The following SLC20A2 variants were observed in gnomAD, a reference collection of about 807,000 sequenced individuals.
The protein encoded by SLC20A2 is sodium-dependent phosphate transporter 2.
Under a neutral mutation model 61.0 loss-of-function variants are expected in SLC20A2, and 30 were observed. The observed-to-expected ratio is 0.49, with a 90% CI of 0.37 to 0.67. The LOEUF is 0.67. SLC20A2 is among the 30% of genes least tolerant of loss of function. SLC20A2 has a pLI of 0.00. For missense variants in SLC20A2, 626 were observed against 866.4 expected (o/e 0.72, Z 3.48); for synonymous variants, 351 against 353.3 (o/e 0.99, Z 0.07).
At chr8:42,504,214 C>G (rs368127023), upstream of SLC20A2, among the ~76,000 whole-genome samples, 8 of 152,304 alleles carry the variant, frequency 5.3e-5, 1 homozygote, top group South Asian at 1.7e-3. Context: ...GCACTGGGAT[C>G]ACAGGCATGA....
intron 4 of SLC20A2, 63 bp from the exon 5 acceptor site, chr8:42,460,055 A>T: frequency 2.2e-6 from 2 of 898,490 alleles, no homozygotes; most frequent in Non-Finnish European, 3.7e-6. Context: ...GAGCCAACAC[A>T]GACAAAATGA....
At chr8:42,511,941 T>C (rs931443018) in intron 1 of SLC20A2, among the ~76,000 whole-genome samples, 4 of 152,000 alleles carry the variant, frequency 2.6e-5, no homozygotes, top group African/African-American at 7.2e-5. Context: ...AGAACTATAA[T>C]AGCCCAATAA....
rs375186009 is a variant in SLC20A2 at position 42,513,770 on chromosome 8, T to C, written c.-265+28051A>G. ...AAGACAGGTATATAAATAATTATAATACAGGTAAATCCTGTAACGGAAGTA... is the reference window on the plus strand; with the variant it reads ...AAGACAGGTATATAAATAATTATAACACAGGTAAATCCTGTAACGGAAGTA... On this transcript the variant is annotated intron_variant, in intron 1 of 10. Transcript: ENST00000342228. Among the ~76,000 whole-genome samples the C allele has an allele frequency of 5.9e-5, 9 of 152,278 alleles. No homozygotes were observed. The South Asian group carries it at 1.4e-3, about 25-fold the overall frequency.
chr8:42,540,770 T>A (rs1813058338), intron 1 of SLC20A2: 1 of 152,250 alleles, frequency 6.6e-6, no homozygotes, highest in Non-Finnish European at 1.5e-5. Flanking sequence ...TGGCCATTTA[T>A]CTGCAAGGTG....
At chr8:42,430,804 T>C (rs1347249481) in intron 8 of SLC20A2, among the ~76,000 whole-genome samples, 3 of 152,216 alleles carry the variant, frequency 2.0e-5, no homozygotes, top group Non-Finnish European at 2.9e-5. Flanking sequence ...CCCGAATTTT[T>C]CATTATTATC....
chr8:42,474,591 T>A (rs1807908671), intron 1 of SLC20A2, among the ~76,000 whole-genome samples: 1 of 152,184 alleles, frequency 6.6e-6, no homozygotes, highest in African/African-American at 2.4e-5. Context: ...TGGGGGCCAG[T>A]ATGATCTATC....
chr8:42,541,671 A>C (rs1033526128), intron 1 of SLC20A2: 1 of 149,302 alleles, frequency 6.7e-6, no homozygotes, highest in Admixed American at 6.6e-5. Context: ...GGAGCGGAGC[A>C]GCGCTGGCCG....
chr8:42,458,223 CAT>C (rs1329098187), intron 5 of SLC20A2, among the ~76,000 whole-genome samples: 4 of 152,176 alleles, frequency 2.6e-5, no homozygotes, highest in African/African-American at 4.8e-5. Context: ...CTCTAGCAAA[CAT>C]GTACAGAAAT....
intron 1 of SLC20A2, among the ~76,000 whole-genome samples, chr8:42,529,348 A>G (rs1016838054): frequency 6.6e-6 from 1 of 152,206 alleles, no homozygotes; most frequent in African/African-American, 2.4e-5. Flanking sequence ...ATGTAATACA[A>G]CCAATCTGGA....
At chr8:42,476,119 C>A (rs543363551) in intron 1 of SLC20A2, among the ~76,000 whole-genome samples, 102 of 98,220 alleles carry the variant, frequency 1.0e-3, no homozygotes, top group Non-Finnish European at 1.5e-3. Flanking sequence ...TTTTTTGACA[C>A]GAAATCTCGC....
chr8:42,523,817 T>C (rs1166059511), intron 1 of SLC20A2, among the ~76,000 whole-genome samples: 1 of 152,184 alleles, frequency 6.6e-6, no homozygotes, highest in Non-Finnish European at 1.5e-5. Context: ...AAGATCTGAG[T>C]GGAACAGCTC....
At chr8:42,421,083 T>G (rs150703497) in intron 10 of SLC20A2, among the ~76,000 whole-genome samples, 8 of 152,384 alleles carry the variant, frequency 5.2e-5, no homozygotes, top group African/African-American at 1.9e-4. Flanking sequence ...TTACAACATC[T>G]GGTTTTCCCA....
chr8:42,417,724 G>T lies in SLC20A2; in HGVS notation c.*79C>A. The T allele has an allele frequency of 1.3e-6, 2 of 1,493,570 alleles. No individual in the cohort carries two copies. The highest frequency in any genetic ancestry group is 1.9e-6 in the Non-Finnish European group (2 of 1,079,770). The allele number at this position is 1,493,570 out of a possible 1,614,324, so 92.5% of individuals were successfully genotyped here. A position where few individuals can be genotyped will look rare whatever the true frequency, so the allele number is the denominator to read the frequency against. ...AGCCGTGCACGGCCAGGATGTGTAT[G>T]TGCGGCACGAGCACACATGTCTCCC... On this transcript the variant is annotated 3_prime_UTR_variant, in exon 11 of 11. Coordinates refer to ENST00000520262, the MANE Select transcript of SLC20A2 (RefSeq NM_001257180.2).
intron 5 of SLC20A2, among the ~76,000 whole-genome samples, chr8:42,459,257 A>AAAAAAAAT (rs1563482766): frequency 6.6e-6 from 1 of 150,854 alleles, no homozygotes; most frequent in African/African-American, 2.5e-5. Flanking sequence ...AAAAAAAAAA[A>AAAAAAAAT]AACATAAAAA....
At chr8:42,516,340 AT>A (rs1303197614) in intron 1 of SLC20A2, among the ~76,000 whole-genome samples, 7 of 152,160 alleles carry the variant, frequency 4.6e-5, no homozygotes, top group Non-Finnish European at 7.3e-5. Flanking sequence ...TTATCCTAGA[AT>A]TTTTTCCTGT....
intron 1 of SLC20A2, among the ~76,000 whole-genome samples, chr8:42,528,482 A>G (rs1162940463): frequency 1.3e-5 from 2 of 151,998 alleles, no homozygotes; most frequent in Admixed American, 6.6e-5. Context: ...AGAAAAGAAA[A>G]AAGAATATGC....
At chr8:42,488,692 C>G (rs1310524783) in intron 1 of SLC20A2, among the ~76,000 whole-genome samples, 1 of 152,064 alleles carries the variant, frequency 6.6e-6, no homozygotes, top group Non-Finnish European at 1.5e-5. Context: ...TCTCATTACC[C>G]TCATCAACAC....
At chr8:42,466,042 T>C (rs979949820) in intron 2 of SLC20A2, 125 bp from the exon 3 acceptor site, 8 of 844,276 alleles carry the variant, frequency 9.5e-6, no homozygotes, top group Non-Finnish European at 1.2e-5. Flanking sequence ...ATTGTTTCTT[T>C]ACAAAGCGCT....
rs551186575 is a variant in SLC20A2 at position 42,535,847 on chromosome 8, T to C, written c.-265+5974A>G. Among the ~76,000 whole-genome samples the C allele has an allele frequency of 2.6e-5, 4 of 152,238 alleles. No individual in the cohort carries two copies. The South Asian group carries it at 6.2e-4, about 24-fold the overall frequency. ...TCAGGAGTTAAGTGAAGACATCTGCTACTTTCAGGATAAACCCTGGGTCAT... is the reference window on the plus strand; with the variant it reads ...TCAGGAGTTAAGTGAAGACATCTGCCACTTTCAGGATAAACCCTGGGTCAT... On this transcript the variant is annotated intron_variant, in intron 1 of 10. Coordinates refer to the SLC20A2 transcript ENST00000342228.
Sources: allele counts gnomAD v4.1 joint callset (sites outside exome capture counted in the v4.1 genomes callset), GRCh38; gene constraint gnomAD v4.1.1; transcripts MANE v1.5; gene names NCBI Gene and HGNC (gene_info 2026-07-23, HGNC 2026-07-21).